Variants in EIF4E3 observed in about 807,000 individuals in gnomAD.
EIF4E3 encodes the protein eukaryotic translation initiation factor 4E family member 3.
In EIF4E3, 26 loss-of-function variants were observed where a neutral mutation model predicts 31.7. That is an observed-to-expected ratio of 0.82 (90% CI 0.60 to 1.14). EIF4E3 has a LOEUF of 1.14. EIF4E3 is among the 50% of genes most tolerant of loss of function. The probability of loss-of-function intolerance (pLI) is 0.00; values close to 1 mark genes in which losing one functional copy is unlikely to be tolerated. For synonymous variants in EIF4E3, 128 were observed against 107.7 expected, an observed-to-expected ratio of 1.19 and a Z score of -1.17; for missense variants, 304 against 270.9, an observed-to-expected ratio of 1.12 and a Z score of -0.86.
At position 71,725,386 on chromosome 3, in the gene EIF4E3, A is replaced by G. The variant is rs2049620481; in HGVS notation, c.-19T>C. 3.1e-6 allele frequency: 3 copies of G among 974,582 alleles called. No individual in the cohort carries two copies. The Admixed American group carries it at 1.9e-4, about 63-fold the overall frequency. 60.4% of individuals were successfully genotyped at this position (974,582 alleles called of 1,614,324 possible). A position where few individuals can be genotyped will look rare whatever the true frequency, so the allele number is the denominator to read the frequency against. On this transcript the variant is annotated 5_prime_UTR_variant, in exon 1 of 7. Coordinates refer to ENST00000425534, the MANE Select transcript of EIF4E3 (RefSeq NM_001134651.2). This position sits in a 1 kb window ranked among gnomAD's most constrained non-coding sequence, Gnocchi z 6.1. ...GCGCCATTTTCTCCGCCCCGCCTGC[A>G]AGGCCGGCGGACGCGCGGACCGCGG...
downstream of EIF4E3, among the ~76,000 whole-genome samples, chr3:71,672,898 A>C (rs1194509313): frequency 6.6e-6 from 1 of 152,204 alleles, no homozygotes; most frequent in East Asian, 1.9e-4. Flanking sequence ...GCTACAAAGC[A>C]AGTAAGACCC....
upstream of EIF4E3, among the ~76,000 whole-genome samples, chr3:71,730,235 A>C (rs577540993): frequency 2.0e-4 from 31 of 152,208 alleles, no homozygotes; most frequent in South Asian, 6.2e-3. Flanking sequence ...ATTGCTTCAG[A>C]GTGAGACTGA....
chr3:71,750,775 T>C (rs2049919271), intron 1 of EIF4E3, among the ~76,000 whole-genome samples: 1 of 151,600 alleles, frequency 6.6e-6, no homozygotes, highest in South Asian at 2.1e-4. Context: ...GGTTTTTTTT[T>C]TTTTTTGAGA....
At chr3:71,731,538 C>T (rs138903036) in intron 1 of EIF4E3, among the ~76,000 whole-genome samples, 2 of 152,346 alleles carry the variant, frequency 1.3e-5, no homozygotes, top group African/African-American at 4.8e-5. Context: ...AGGGCCAGGC[C>T]TCTCTTGTCC....
At chr3:71,754,189 G>A (rs2049973832), upstream of EIF4E3, 2 of 1,433,172 alleles carry the variant, frequency 1.4e-6, no homozygotes, top group Non-Finnish European at 9.3e-7. The surrounding 1 kb of genome is among the most constrained non-coding windows in gnomAD (Gnocchi z 5.8). Flanking sequence ...GTGCGGGAGC[G>A]CAGCCTGCAC....
chr3:71,665,227 A>C, the EIF4E3 span, among the ~76,000 whole-genome samples: 1 of 152,210 alleles, frequency 6.6e-6, no homozygotes, highest in African/African-American at 2.4e-5. Flanking sequence ...CAAATATGGA[A>C]TAAATTGGGC....
intron 5 of EIF4E3, among the ~76,000 whole-genome samples, chr3:71,691,678 C>T (rs1180536050): frequency 6.6e-6 from 1 of 152,112 alleles, no homozygotes; most frequent in Non-Finnish European, 1.5e-5. Flanking sequence ...ACACATACGA[C>T]GTGTGCAATC....
the EIF4E3 span, among the ~76,000 whole-genome samples, chr3:71,660,463 A>G: frequency 6.6e-5 from 10 of 152,244 alleles, no homozygotes; most frequent in African/African-American, 2.2e-4. Context: ...AGTCGATTGT[A>G]AAAGAGAACA....
intron 1 of EIF4E3, among the ~76,000 whole-genome samples, chr3:71,715,484 CGGAA>C (rs749267209): frequency 1.3e-5 from 2 of 152,150 alleles, no homozygotes; most frequent in Non-Finnish European, 2.9e-5. Flanking sequence ...TTAATTCTCC[CGGAA>C]GGGAGGAGGT....
chr3:71,729,798 ATGTG>A (rs3066626), upstream of EIF4E3, among the ~76,000 whole-genome samples: 468 of 129,740 alleles, frequency 3.6e-3, 5 homozygotes, highest in Middle Eastern at 0.012. Context: ...TTCCAATAGA[ATGTG>A]TGTGTGTGTG....
intron 1 of EIF4E3, among the ~76,000 whole-genome samples, chr3:71,712,069 A>G (rs941420335): frequency 1.3e-5 from 2 of 152,236 alleles, no homozygotes; most frequent in Admixed American, 1.3e-4. Flanking sequence ...TTGGGGGAAA[A>G]CACGGGACTT....
the EIF4E3 span, among the ~76,000 whole-genome samples, chr3:71,666,728 G>T: frequency 6.6e-6 from 1 of 152,134 alleles, no homozygotes; most frequent in Non-Finnish European, 1.5e-5. Flanking sequence ...CCTGAGGTCA[G>T]GAGTTCAACA....
chr3:71,736,329 C>G (rs762992099), intron 1 of EIF4E3, among the ~76,000 whole-genome samples: 1 of 152,170 alleles, frequency 6.6e-6, no homozygotes, highest in Non-Finnish European at 1.5e-5. Context: ...TGAAAATTTA[C>G]GTCCACACAA....
At chr3:71,686,387 C>T (rs547700176) in intron 6 of EIF4E3, among the ~76,000 whole-genome samples, 30 of 152,182 alleles carry the variant, frequency 2.0e-4, no homozygotes, top group Middle Eastern at 3.4e-3. Context: ...GACGTTCACC[C>T]CAACCTACTC....
intron 3 of EIF4E3, among the ~76,000 whole-genome samples, chr3:71,697,462 C>T (rs1306263905): frequency 6.6e-6 from 1 of 152,186 alleles, no homozygotes; most frequent in African/African-American, 2.4e-5. Context: ...TTTCAAAATA[C>T]ATAATAAATT....
rs536874181 is a variant in EIF4E3, at chr3:71,701,223, A to G, written c.250-1515T>C. On this transcript the variant is annotated intron_variant, in intron 2 of 6. Coordinates refer to ENST00000425534, the MANE Select transcript of EIF4E3 (RefSeq NM_001134651.2). ...TATACAAAAATAATAAAGTAATAGT[A>G]AAACAGGAAGTCTTGGCAAAGACAA... Among the ~76,000 whole-genome samples the G allele has an allele frequency of 4.6e-5, 7 of 152,368 alleles. No homozygotes were observed. The East Asian group carries it at 1.3e-3, about 29-fold the overall frequency.
chr3:71,672,634 A>G (rs1332748062), downstream of EIF4E3, among the ~76,000 whole-genome samples: 5 of 152,188 alleles, frequency 3.3e-5, no homozygotes, highest in African/African-American at 1.2e-4. Context: ...GTCATCAAGT[A>G]AAACGTGTGA....
rs2048940307 is a variant in EIF4E3, at chr3:71,682,899, A to T, written c.*1783T>A. ...GTGAAGTCAATTATATCCTTTTTTCAATCAGAAAAATACTTATATTATAAA... is the reference window on the plus strand; with the variant it reads ...GTGAAGTCAATTATATCCTTTTTTCTATCAGAAAAATACTTATATTATAAA... On this transcript the variant is annotated 3_prime_UTR_variant, in exon 7 of 7. Coordinates refer to ENST00000425534, the MANE Select transcript of EIF4E3 (RefSeq NM_001134651.2). The T allele has an allele frequency of 6.6e-6, 1 of 152,532 alleles. No individual in the cohort carries two copies. 9.4% of individuals were successfully genotyped at this position (152,532 alleles called of 1,614,324 possible).
At chr3:71,703,674 CT>C (rs1363568425) in intron 2 of EIF4E3, among the ~76,000 whole-genome samples, 42 of 152,132 alleles carry the variant, frequency 2.8e-4, no homozygotes, top group Non-Finnish European at 1.3e-4. Context: ...CCTCAATTTC[CT>C]ACTGAAATGT....
Sources: allele counts gnomAD v4.1 joint callset (sites outside exome capture counted in the v4.1 genomes callset), GRCh38; gene constraint gnomAD v4.1.1; non-coding constraint Gnocchi (gnomAD v3.1); transcripts MANE v1.5; gene names NCBI Gene and HGNC (gene_info 2026-07-23, HGNC 2026-07-21).